Variants in PITPNB observed in about 807,000 individuals in gnomAD.
The protein encoded by PITPNB is phosphatidylinositol transfer protein beta isoform.
A neutral mutation model predicts 45.9 loss-of-function variants in PITPNB; 16 were observed. That is an observed-to-expected ratio of 0.35 (90% CI 0.24 to 0.53). The LOEUF (loss-of-function observed/expected upper bound fraction) is 0.53, where lower values mean the gene tolerates loss of function less well. Among genes scored for constraint, PITPNB ranks in the 20% least tolerant of loss-of-function variants. The pLI, the probability that PITPNB is intolerant of heterozygous loss-of-function variation, is 0.93. For missense variants in PITPNB, 188 were observed against 330.5 expected (o/e 0.57, Z 3.34); for synonymous variants, 112 against 108.9 (o/e 1.03, Z -0.18).
chr22:27,861,307 T>A (rs1271814247), intron 8 of PITPNB, among the ~76,000 whole-genome samples: 2 of 151,762 alleles, frequency 1.3e-5, no homozygotes, highest in Non-Finnish European at 2.9e-5. Flanking sequence ...TCTCAAAAAA[T>A]AATAATAATA....
At chr22:27,863,356 G>C (rs549722444) in intron 8 of PITPNB, among the ~76,000 whole-genome samples, 1 of 152,288 alleles carries the variant, frequency 6.6e-6, no homozygotes, top group African/African-American at 2.4e-5. Context: ...GCCAGGATTG[G>C]TCTAGGGCTG....
intron 10 of PITPNB, among the ~76,000 whole-genome samples, chr22:27,856,192 C>T (rs1934166960): frequency 6.6e-6 from 1 of 152,358 alleles, no homozygotes; most frequent in South Asian, 2.1e-4. Flanking sequence ...TACCCTCACT[C>T]TGAACCAATG....
intron 7 of PITPNB, among the ~76,000 whole-genome samples, chr22:27,883,196 C>T (rs1243758819): frequency 6.6e-6 from 1 of 152,164 alleles, no homozygotes; most frequent in Admixed American, 6.5e-5. Context: ...TAAGAATGCT[C>T]TTAATCAACA....
intron 7 of PITPNB, among the ~76,000 whole-genome samples, chr22:27,884,375 A>G (rs1935057801): frequency 6.6e-6 from 1 of 152,224 alleles, no homozygotes; most frequent in Non-Finnish European, 1.5e-5. Flanking sequence ...GATGAACGTG[A>G]TATGAATGAA....
chr22:27,884,883 T>C (rs571277622), intron 7 of PITPNB, among the ~76,000 whole-genome samples: 37 of 152,242 alleles, frequency 2.4e-4, no homozygotes, highest in African/African-American at 8.7e-4. Context: ...GGATTAAACA[T>C]TGTTTCTACT....
chr22:27,913,939 G>A (rs1192364390), intron 2 of PITPNB, among the ~76,000 whole-genome samples: 3 of 152,106 alleles, frequency 2.0e-5, no homozygotes, highest in Non-Finnish European at 4.4e-5. Flanking sequence ...AGCAGATTTT[G>A]GTTCAAACAC....
At position 27,885,212 on chromosome 22, in the gene PITPNB, T is replaced by TAAAAAAAAAAAAAAAAAA. The variant is rs71194746; in HGVS notation, c.456+9325_456+9342dup. Reference sequence around the variant, plus strand: ...AAAGAGCCAGATTCAAATTTATACCTAAAAAAAAAAAAAAAAAAAAAAAAA... The same window carrying TAAAAAAAAAAAAAAAAAA: ...AAAGAGCCAGATTCAAATTTATACCTAAAAAAAAAAAAAAAAAAAAAAAAAAAAAAAAAAAAAAAAAAA... On this transcript the variant is annotated intron_variant, in intron 7 of 11. Coordinates refer to ENST00000335272, the MANE Select transcript of PITPNB (RefSeq NM_012399.5). Among the ~76,000 whole-genome samples, 22 of 30,232 alleles carry TAAAAAAAAAAAAAAAAAA rather than the reference T, an allele frequency of 7.3e-4. 7 individuals carry two copies. The highest frequency in any genetic ancestry group is 1.3e-3 in the African/African-American group (12 of 9,064). The allele number at this position is 30,232 out of a possible 152,430, so 19.8% of individuals were successfully genotyped here. A position where few individuals can be genotyped will look rare whatever the true frequency, so the allele number is the denominator to read the frequency against.
intron 8 of PITPNB, among the ~76,000 whole-genome samples, chr22:27,863,823 T>C (rs1431260393): frequency 1.3e-5 from 2 of 152,218 alleles, no homozygotes; most frequent in African/African-American, 4.8e-5. Context: ...CAACCAAGTT[T>C]ATTTCTCACA....
chr22:27,867,986 C>A (rs915581408), intron 8 of PITPNB, among the ~76,000 whole-genome samples: 1 of 152,070 alleles, frequency 6.6e-6, no homozygotes, highest in South Asian at 2.1e-4. Context: ...AAAATGTAGT[C>A]ATCAAACTAG....
rs71194746 is a variant in PITPNB, at chr22:27,885,212, T to TAAAAAAAAAAAAAAAAA, written c.456+9326_456+9342dup. Reference sequence around the variant, plus strand: ...AAAGAGCCAGATTCAAATTTATACCTAAAAAAAAAAAAAAAAAAAAAAAAA... The same window carrying TAAAAAAAAAAAAAAAAA: ...AAAGAGCCAGATTCAAATTTATACCTAAAAAAAAAAAAAAAAAAAAAAAAAAAAAAAAAAAAAAAAAA... On this transcript the variant is annotated intron_variant, in intron 7 of 11. Coordinates refer to ENST00000335272, the MANE Select transcript of PITPNB (RefSeq NM_012399.5). Among the ~76,000 whole-genome samples, 25 of 30,228 alleles carry TAAAAAAAAAAAAAAAAA rather than the reference T, an allele frequency of 8.3e-4. 4 individuals carry two copies. The highest frequency in any genetic ancestry group is 2.4e-3 in the East Asian group (2 of 820). 19.8% of individuals were successfully genotyped at this position (30,228 alleles called of 152,430 possible). A position where few individuals can be genotyped will look rare whatever the true frequency, so the allele number is the denominator to read the frequency against.
At chr22:27,902,604 A>C (rs1569030253) in intron 3 of PITPNB, among the ~76,000 whole-genome samples, 1 of 152,262 alleles carries the variant, frequency 6.6e-6, no homozygotes, top group Non-Finnish European at 1.5e-5. Context: ...TTATAAGAAA[A>C]TACAGATGTA....
chr22:27,907,962 C>T (rs768109628), intron 3 of PITPNB, among the ~76,000 whole-genome samples: 2 of 151,502 alleles, frequency 1.3e-5, no homozygotes, highest in Non-Finnish European at 2.9e-5. Flanking sequence ...TTCTAGAAGC[C>T]CAAATGTGCT....
chr22:27,858,288 AACAACACTCTTCC>A (rs1934228704), intron 10 of PITPNB, 86 bp downstream of exon 10: 2 of 948,098 alleles, frequency 2.1e-6, no homozygotes, highest in Non-Finnish European at 3.2e-6. Context: ...AATGATTTTT[AACAACACTCTTCC>A]TAATTCTAAC....
chr22:27,917,433 ATT>A (rs1936113489), intron 1 of PITPNB, among the ~76,000 whole-genome samples: 1 of 152,176 alleles, frequency 6.6e-6, no homozygotes, highest in African/African-American at 2.4e-5. Flanking sequence ...TATTTTCTCC[ATT>A]TGTTTTAGTG....
chr22:27,895,813 G>C (rs992545082), intron 6 of PITPNB, among the ~76,000 whole-genome samples: 1 of 152,146 alleles, frequency 6.6e-6, no homozygotes, highest in Admixed American at 6.5e-5. Flanking sequence ...CCCACCCCTA[G>C]AGATTCTGGT....
intron 6 of PITPNB, among the ~76,000 whole-genome samples, chr22:27,895,826 G>C (rs946245871): frequency 6.6e-6 from 1 of 152,082 alleles, no homozygotes; most frequent in Non-Finnish European, 1.5e-5. Context: ...ATTCTGGTTC[G>C]GTAGTTCTTG....
At chr22:27,882,606 A>T (rs1236390270) in intron 7 of PITPNB, among the ~76,000 whole-genome samples, 1 of 152,194 alleles carries the variant, frequency 6.6e-6, no homozygotes, top group Non-Finnish European at 1.5e-5. Flanking sequence ...AAGCCCAACA[A>T]TCCCATTATA....
intron 3 of PITPNB, among the ~76,000 whole-genome samples, chr22:27,901,265 A>G (rs925895482): frequency 9.2e-5 from 14 of 152,212 alleles, no homozygotes; most frequent in Non-Finnish European, 4.4e-5. Flanking sequence ...AAATATGACC[A>G]TAAGGTACAC....
At chr22:27,917,925 C>T in intron 1 of PITPNB, among the ~76,000 whole-genome samples, 1 of 152,226 alleles carries the variant, frequency 6.6e-6, no homozygotes, top group Middle Eastern at 3.4e-3. Flanking sequence ...GAGAAGGTGA[C>T]GTCTGAGCAA....
Sources: gnomAD v4.1 joint callset for allele counts (sites outside exome capture counted in the v4.1 genomes callset) on GRCh38, gnomAD v4.1.1 for gene constraint, MANE v1.5 for transcripts, NCBI Gene and HGNC (gene_info 2026-07-23, HGNC 2026-07-21) for gene names.